MED13L: variants seen among roughly 807,000 people sequenced by gnomAD.
The protein encoded by MED13L is mediator complex subunit 13L.
In MED13L, 7 loss-of-function variants were observed where a neutral mutation model predicts 220.9. The ratio of observed to expected loss-of-function variants is 0.03; its 90% CI spans 0.02 to 0.06. The LOEUF is 0.06. MED13L is among the 10% of genes least tolerant of loss of function. The pLI is 1.00. For missense variants in MED13L, 1,965 were observed against 2,760.5 expected, an observed-to-expected ratio of 0.71 and a Z score of 6.46; for synonymous variants, 1,011 against 1,015.2, an observed-to-expected ratio of 1.00 and a Z score of 0.08.
chr12:115,970,239 G>A (rs1473568099), intron 27 of MED13L, among the ~76,000 whole-genome samples: 1 of 152,140 alleles, frequency 6.6e-6, no homozygotes, highest in Non-Finnish European at 1.5e-5. Context: ...CTAAAGGAAG[G>A]TGCTCTCTTC....
At chr12:115,995,415 C>T (rs1283924037) in intron 16 of MED13L, among the ~76,000 whole-genome samples, 1 of 152,160 alleles carries the variant, frequency 6.6e-6, no homozygotes, top group African/African-American at 2.4e-5. Flanking sequence ...CTGATTCCAT[C>T]ATTGTTTAGC....
chr12:116,110,621 C>T (rs1264957096), intron 3 of MED13L, among the ~76,000 whole-genome samples: 1 of 152,012 alleles, frequency 6.6e-6, no homozygotes, highest in African/African-American at 2.4e-5. Flanking sequence ...TAATTACAAA[C>T]ACAAAATTGA....
intron 3 of MED13L, among the ~76,000 whole-genome samples, chr12:116,109,084 TTTTGG>T (rs1188792048): frequency 4.1e-5 from 4 of 97,676 alleles, no homozygotes; most frequent in African/African-American, 1.1e-4. Context: ...TTTTTTTTTT[TTTTGG>T]AAACAGGGTC....
chr12:116,029,115 CAGTA>C (rs1289707586), intron 4 of MED13L, among the ~76,000 whole-genome samples: 4 of 151,670 alleles, frequency 2.6e-5, no homozygotes, highest in Non-Finnish European at 4.4e-5. Flanking sequence ...CTAGTATCAT[CAGTA>C]AATAATCTAC....
chr12:116,216,086 C>T (rs761545750), intron 2 of MED13L, among the ~76,000 whole-genome samples: 4 of 152,200 alleles, frequency 2.6e-5, no homozygotes, highest in Non-Finnish European at 4.4e-5. Flanking sequence ...ATGATCTATA[C>T]TTGTCCACTG....
intron 4 of MED13L, among the ~76,000 whole-genome samples, chr12:116,025,487 A>AT (rs1280699957): frequency 1.3e-5 from 2 of 152,236 alleles, no homozygotes; most frequent in Admixed American, 6.5e-5. Context: ...CTAAGTGTCC[A>AT]TCAAGGGATG....
chr12:116,075,068 A>G (rs1248516471), intron 4 of MED13L, among the ~76,000 whole-genome samples: 1 of 152,238 alleles, frequency 6.6e-6, no homozygotes, highest in Non-Finnish European at 1.5e-5. Context: ...TCTAACCCAG[A>G]GGCTAAAAAA....
At chr12:116,031,829 A>T (rs950740047) in intron 4 of MED13L, among the ~76,000 whole-genome samples, 4 of 151,976 alleles carry the variant, frequency 2.6e-5, no homozygotes, top group African/African-American at 9.6e-5. Context: ...AAAAAGAAAG[A>T]AAGTGGTGAT....
At chr12:116,000,983 A>G (rs1428790840) in intron 14 of MED13L, among the ~76,000 whole-genome samples, 1 of 152,182 alleles carries the variant, frequency 6.6e-6, no homozygotes, top group Admixed American at 6.5e-5. Flanking sequence ...ACCATTATAT[A>G]TTACATTTTT....
At chr12:116,028,386 T>G (rs1386619077) in intron 4 of MED13L, among the ~76,000 whole-genome samples, 1 of 152,186 alleles carries the variant, frequency 6.6e-6, no homozygotes, top group Non-Finnish European at 1.5e-5. Context: ...TTATTTCATA[T>G]ACTTTCATTA....
At chr12:116,101,225 T>C (rs1873040313) in intron 3 of MED13L, among the ~76,000 whole-genome samples, 1 of 152,212 alleles carries the variant, frequency 6.6e-6, no homozygotes, top group Admixed American at 6.5e-5. Context: ...AATGATTAAG[T>C]TCTACAGCTT....
At chr12:116,102,753 A>C (rs1873199479) in intron 3 of MED13L, among the ~76,000 whole-genome samples, 1 of 108,634 alleles carries the variant, frequency 9.2e-6, no homozygotes. Context: ...ACGGAGTCTC[A>C]CTCTGTCACC....
chr12:115,975,088 A>G (rs1876844527), intron 25 of MED13L, 83 bp downstream of exon 25: 2 of 1,385,012 alleles, frequency 1.4e-6, no homozygotes, highest in East Asian at 4.6e-5. Flanking sequence ...AAATTTAAAC[A>G]TTTTCTCCCT....
intron 4 of MED13L, among the ~76,000 whole-genome samples, chr12:116,056,337 G>C (rs1484373038): frequency 6.6e-6 from 1 of 151,886 alleles, no homozygotes; most frequent in African/African-American, 2.4e-5. Context: ...GAGTGCAGTG[G>C]CACAATCACG....
At chr12:116,227,254 A>G (rs1869097802) in intron 2 of MED13L, among the ~76,000 whole-genome samples, 1 of 152,230 alleles carries the variant, frequency 6.6e-6, no homozygotes, top group Non-Finnish European at 1.5e-5. Flanking sequence ...CTATGACAAC[A>G]GATCTCTACG....
intron 23 of MED13L, among the ~76,000 whole-genome samples, chr12:115,977,458 T>C (rs1270127682): frequency 6.6e-6 from 1 of 152,224 alleles, no homozygotes; most frequent in Non-Finnish European, 1.5e-5. Context: ...TCTTAGGTAT[T>C]TATCAAGAGA....
chr12:116,082,016 T>G (rs1287807122), intron 4 of MED13L, among the ~76,000 whole-genome samples: 2 of 152,178 alleles, frequency 1.3e-5, no homozygotes, highest in Non-Finnish European at 2.9e-5. Context: ...TGATATAGAA[T>G]TAAATTCCCT....
intron 2 of MED13L, among the ~76,000 whole-genome samples, chr12:116,191,694 C>T (rs1230908516): frequency 6.6e-6 from 1 of 151,938 alleles, no homozygotes; most frequent in Non-Finnish European, 1.5e-5. Context: ...TAGAAATATG[C>T]GTTTTGCCAG....
intron 1 of MED13L, among the ~76,000 whole-genome samples, chr12:116,269,290 C>G (rs1873067908): frequency 6.6e-6 from 1 of 151,962 alleles, no homozygotes. Flanking sequence ...ATCTCCTGAC[C>G]TCATGATCAG....
Sources: allele counts gnomAD v4.1 joint callset (sites outside exome capture counted in the v4.1 genomes callset), GRCh38; gene constraint gnomAD v4.1.1; transcripts MANE v1.5; gene names NCBI Gene and HGNC (gene_info 2026-07-23, HGNC 2026-07-21).